SLC35D4: variants seen among roughly 807,000 people sequenced by gnomAD.
The protein encoded by SLC35D4 is UDP-N-acetylglucosamine transporter SLC35D4.
chr18:23,282,932 T>C, the SLC35D4 span, among the ~76,000 whole-genome samples: 1 of 151,162 alleles, frequency 6.6e-6, no homozygotes, highest in African/African-American at 2.4e-5. Context: ...AAAAATAACA[T>C]CCTAAGCCCT....
At chr18:23,298,347 A>G in the SLC35D4 span, among the ~76,000 whole-genome samples, 1 of 152,186 alleles carries the variant, frequency 6.6e-6, no homozygotes, top group Non-Finnish European at 1.5e-5. Context: ...GGTGAGGATG[A>G]TGCACTGGGT....
the SLC35D4 span, among the ~76,000 whole-genome samples, chr18:23,336,007 G>A: frequency 6.6e-6 from 1 of 151,626 alleles, no homozygotes; most frequent in Non-Finnish European, 1.5e-5. Flanking sequence ...CAACACAGAA[G>A]ATTGTGATGA....
the SLC35D4 span, among the ~76,000 whole-genome samples, chr18:23,336,542 T>TAC: frequency 6.6e-6 from 1 of 152,222 alleles, no homozygotes; most frequent in Admixed American, 6.5e-5. Context: ...AAAGTTACAT[T>TAC]ACAGTACAGC....
At chr18:23,380,807 AGTGT>A in the SLC35D4 span, among the ~76,000 whole-genome samples, 1 of 150,776 alleles carries the variant, frequency 6.6e-6, no homozygotes, top group Non-Finnish European at 1.5e-5. Flanking sequence ...TGTGTGCATG[AGTGT>A]GTGTGTGTGT....
chr18:23,430,551 A>C, the SLC35D4 span: 1 of 1,202,012 alleles, frequency 8.3e-7, no homozygotes, highest in Admixed American at 2.2e-5. Flanking sequence ...AAATCTATGC[A>C]GTTATTAAAA....
At chr18:23,277,441 C>T in the SLC35D4 span, among the ~76,000 whole-genome samples, 8 of 152,294 alleles carry the variant, frequency 5.3e-5, no homozygotes, top group East Asian at 1.5e-3. Flanking sequence ...TCCAATTAAA[C>T]CTCTTTTGTA....
the SLC35D4 span, among the ~76,000 whole-genome samples, chr18:23,248,276 C>T: frequency 1.3e-5 from 2 of 152,198 alleles, no homozygotes; most frequent in East Asian, 3.8e-4. Context: ...TCTGTCCCCG[C>T]CTTCACCGAG....
the SLC35D4 span, chr18:23,257,280 C>T: frequency 6.2e-7 from 1 of 1,613,626 alleles, no homozygotes; most frequent in Non-Finnish European, 8.5e-7. Flanking sequence ...CCTTTGAATT[C>T]CCGGTGTTAG....
At chr18:23,434,221 G>C in the SLC35D4 span, among the ~76,000 whole-genome samples, 1 of 151,910 alleles carries the variant, frequency 6.6e-6, no homozygotes, top group Non-Finnish European at 1.5e-5. Flanking sequence ...CTCCACTCTC[G>C]AGCTCACCTC....
At chr18:23,332,184 C>T in the SLC35D4 span, among the ~76,000 whole-genome samples, 1 of 152,200 alleles carries the variant, frequency 6.6e-6, no homozygotes, top group Non-Finnish European at 1.5e-5. Context: ...CGTGAGCCAC[C>T]ACACTTGGCC....
At chr18:23,386,687 G>A in the SLC35D4 span, among the ~76,000 whole-genome samples, 3 of 109,202 alleles carry the variant, frequency 2.7e-5, no homozygotes, top group Admixed American at 1.1e-4. Context: ...AGACTGAACT[G>A]AAGTAAATAT....
chr18:23,422,210 G>T, the SLC35D4 span, among the ~76,000 whole-genome samples: 1 of 151,918 alleles, frequency 6.6e-6, no homozygotes, highest in Non-Finnish European at 1.5e-5. Flanking sequence ...GGTGAGGTTT[G>T]GGCTTCCAGT....
At chr18:23,360,577 T>C in the SLC35D4 span, among the ~76,000 whole-genome samples, 1 of 152,308 alleles carries the variant, frequency 6.6e-6, no homozygotes, top group South Asian at 2.1e-4. Flanking sequence ...AACTTATCTA[T>C]GGTAACAGAT....
chr18:23,403,327 A>G, the SLC35D4 span, among the ~76,000 whole-genome samples: 1 of 152,242 alleles, frequency 6.6e-6, no homozygotes, highest in Non-Finnish European at 1.5e-5. Context: ...AGGAGACTAA[A>G]GGACCATGCT....
At chr18:23,251,881 TTC>T in the SLC35D4 span, among the ~76,000 whole-genome samples, 581 of 151,844 alleles carry the variant, frequency 3.8e-3, 3 homozygotes, top group Non-Finnish European at 7.0e-3. Flanking sequence ...ATGTCAGGAG[TTC>T]GAGACCAACC....
At chr18:23,301,007 C>T in the SLC35D4 span, among the ~76,000 whole-genome samples, 1 of 152,238 alleles carries the variant, frequency 6.6e-6, no homozygotes, top group Admixed American at 6.5e-5. Flanking sequence ...AGGCCCTGCG[C>T]CTAATGCAGC....
the SLC35D4 span, among the ~76,000 whole-genome samples, chr18:23,405,163 G>T: frequency 6.6e-6 from 1 of 152,032 alleles, no homozygotes; most frequent in Non-Finnish European, 1.5e-5. Flanking sequence ...GCCTCTAGAA[G>T]CTGTGATAAA....
chr18:23,433,998 T>C, the SLC35D4 span, among the ~76,000 whole-genome samples: 1 of 152,150 alleles, frequency 6.6e-6, no homozygotes, highest in Non-Finnish European at 1.5e-5. Flanking sequence ...GTAGAATGAA[T>C]ATGCTCATGG....
At chr18:23,378,752 C>G in the SLC35D4 span, among the ~76,000 whole-genome samples, 1 of 152,302 alleles carries the variant, frequency 6.6e-6, no homozygotes, top group East Asian at 1.9e-4. Context: ...AAGGATTATT[C>G]TGCTAGCTGG....
Sources: gnomAD v4.1 joint callset for allele counts (sites outside exome capture counted in the v4.1 genomes callset) on GRCh38, gnomAD v4.1.1 for gene constraint, MANE v1.5 for transcripts, NCBI Gene and HGNC (gene_info 2026-07-23, HGNC 2026-07-21) for gene names.